SMIM35: variants seen among roughly 807,000 people sequenced by gnomAD.
SMIM35 encodes the protein small integral membrane protein 35, also known as TMPRSS4 antisense RNA 1 (non-protein coding).
At chr11:118,063,109 T>G (rs1944416711) in intron 1 of SMIM35, among the ~76,000 whole-genome samples, 1 of 152,254 alleles carries the variant, frequency 6.6e-6, no homozygotes, top group Admixed American at 6.5e-5. Flanking sequence ...CACCCCTTGT[T>G]TAGCATATCA....
intron 1 of SMIM35, among the ~76,000 whole-genome samples, chr11:118,035,215 G>T (rs1310992939): frequency 1.3e-5 from 2 of 151,920 alleles, no homozygotes; most frequent in Non-Finnish European, 2.9e-5. Flanking sequence ...GCCTCCCAAA[G>T]TGCCCGTCTG....
intron 1 of SMIM35, among the ~76,000 whole-genome samples, chr11:118,082,723 A>AG (rs1192538222): frequency 1.3e-5 from 2 of 152,176 alleles, no homozygotes; most frequent in Non-Finnish European, 2.9e-5. Flanking sequence ...GGGAAAAAAA[A>AG]ACCCAAATTA....
intron 1 of SMIM35, among the ~76,000 whole-genome samples, chr11:118,076,197 GGGAGGT>G (rs1944680434): frequency 1.3e-5 from 2 of 152,176 alleles, no homozygotes; most frequent in African/African-American, 2.4e-5. Flanking sequence ...ACTTGAACCT[GGGAGGT>G]GGAGGTTGCA....
In SMIM35 at chr11:118,069,916, C is replaced by T. The variant is rs370738040; in HGVS notation, c.7+16835G>A. On this transcript the variant is annotated intron_variant, in intron 1 of 4. Transcript: ENST00000689828. ...GTCTCTGCTAAAAATACAAAATTAGCCAGGGGTGGTGGCAGGCACCTGTAA... is the reference window on the plus strand; with the variant it reads ...GTCTCTGCTAAAAATACAAAATTAGTCAGGGGTGGTGGCAGGCACCTGTAA... Among the ~76,000 whole-genome samples, 53 of 152,066 alleles carry T rather than the reference C, an allele frequency of 3.5e-4. No individual in the cohort carries two copies. The South Asian group carries it at 1.0e-2, about 29-fold the overall frequency.
chr11:118,008,208 G>A (rs1448256796), intron 4 of SMIM35, among the ~76,000 whole-genome samples: 2 of 152,186 alleles, frequency 1.3e-5, no homozygotes, highest in African/African-American at 4.8e-5. Flanking sequence ...ACTCTGGGCA[G>A]GCAGAACATT....
chr11:118,035,039 A>T (rs1013185223), intron 1 of SMIM35, among the ~76,000 whole-genome samples: 10 of 151,346 alleles, frequency 6.6e-5, no homozygotes, highest in Middle Eastern at 3.4e-3. Flanking sequence ...GCAACCTCCA[A>T]CTCCTGGGTT....
chr11:118,070,460 AGCCACCGT>A lies in SMIM35; in HGVS notation c.7+16283_7+16290del, dbSNP rs564800743. Among the ~76,000 whole-genome samples the A allele has an allele frequency of 5.4e-3, 822 of 152,352 alleles. 2 individuals carry two copies. The highest frequency in any genetic ancestry group is 0.018 in the African/African-American group (740 of 41,570). ...CCAAAGTGCCCGGATTACAGCCGTG[AGCCACCGT>A]GCCCAGCCTCTAGACAGATTCTTAT... On this transcript the variant is annotated intron_variant, in intron 1 of 4. Transcript: ENST00000689828.
rs142902978 is a variant in SMIM35, at chr11:118,070,827, C to T, written c.7+15924G>A. On this transcript the variant is annotated intron_variant, in intron 1 of 4. Coordinates refer to ENST00000689828, the MANE Select transcript of SMIM35 (RefSeq NM_001394165.1). ...GGTGCTACAGGAACCTGAGTCCTTC[C>T]CAGAGGTCCCCAGTGGGCTGCAGAA... 5.4e-3 allele frequency among the ~76,000 whole-genome samples: 820 copies of T among 152,236 alleles called. 3 individuals carry two copies. The highest frequency in any genetic ancestry group is 0.018 in the African/African-American group (736 of 41,542).
intron 1 of SMIM35, among the ~76,000 whole-genome samples, chr11:118,083,126 C>T (rs771350612): frequency 6.6e-6 from 1 of 152,220 alleles, no homozygotes; most frequent in South Asian, 2.1e-4. Flanking sequence ...CCCTGGCCCT[C>T]GTCTGCCACA....
At chr11:118,061,464 G>A (rs1944394399) in intron 1 of SMIM35, among the ~76,000 whole-genome samples, 1 of 152,192 alleles carries the variant, frequency 6.6e-6, no homozygotes, top group African/African-American at 2.4e-5. Context: ...AGGGACTAGA[G>A]TGGCAGGTCC....
At position 118,048,537 on chromosome 11, in the gene SMIM35, AGAAGGAAGGAAGGAAGGAAGGAAGGAAG is replaced by A. The variant is rs59910847; in HGVS notation, c.8-32756_8-32729del. Among the ~76,000 whole-genome samples, 173 of 122,864 alleles carry A rather than the reference AGAAGGAAGGAAGGAAGGAAGGAAGGAAG, an allele frequency of 1.4e-3. 1 individual carries two copies. The highest frequency in any genetic ancestry group is 3.8e-3 in the Middle Eastern group (1 of 260). The allele number at this position is 122,864 out of a possible 152,430, so 80.6% of individuals were successfully genotyped here. On this transcript the variant is annotated intron_variant, in intron 1 of 4. Transcript: ENST00000689828. ...CAATAAGAAAGAAAGGAAGAAAGAA[AGAAGGAAGGAAGGAAGGAAGGAAGGAAG>A]GAAGGAAGGAAGGAAGGAAGGAAGG...
At chr11:118,014,147 G>A (rs2058164655) in intron 3 of SMIM35, among the ~76,000 whole-genome samples, 1 of 152,252 alleles carries the variant, frequency 6.6e-6, no homozygotes, top group Admixed American at 6.5e-5. Context: ...ATACCATCTT[G>A]TGCCTGAGAT....
At chr11:118,076,404 G>A (rs547786565) in intron 1 of SMIM35, among the ~76,000 whole-genome samples, 10 of 152,198 alleles carry the variant, frequency 6.6e-5, no homozygotes, top group East Asian at 5.8e-4. Flanking sequence ...CTGAGATTGC[G>A]CCCCTGCACT....
In SMIM35 at chr11:118,016,242, G is replaced by C. The variant is rs565554342; in HGVS notation, c.8-433C>G. On this transcript the variant is annotated intron_variant, in intron 1 of 4. Coordinates refer to ENST00000689828, the MANE Select transcript of SMIM35 (RefSeq NM_001394165.1). Reference sequence around the variant, plus strand: ...CTTTGCAAAGCTCATGCACCCAGTGGCAGCAGGGTGTTAACCCTTGGGCTC... The same window carrying C: ...CTTTGCAAAGCTCATGCACCCAGTGCCAGCAGGGTGTTAACCCTTGGGCTC... 3.9e-5 allele frequency among the ~76,000 whole-genome samples: 6 copies of C among 152,256 alleles called. No homozygotes were observed. The South Asian group carries it at 8.3e-4, about 21-fold the overall frequency.
intron 4 of SMIM35, among the ~76,000 whole-genome samples, chr11:118,011,847 C>T (rs546017329): frequency 1.3e-5 from 2 of 152,272 alleles, no homozygotes; most frequent in East Asian, 3.9e-4. Flanking sequence ...GGAGGGGTCT[C>T]AGAACCACTA....
intron 1 of SMIM35, among the ~76,000 whole-genome samples, chr11:118,040,970 G>A (rs867191742): frequency 2.6e-5 from 4 of 151,314 alleles, no homozygotes; most frequent in African/African-American, 9.7e-5. Context: ...AATATATAAT[G>A]TATACCATAT....
intron 1 of SMIM35, among the ~76,000 whole-genome samples, chr11:118,052,712 C>A (rs1044520585): frequency 1.3e-5 from 2 of 152,004 alleles, no homozygotes; most frequent in African/African-American, 4.8e-5. Flanking sequence ...TCTGTCCAGC[C>A]AAACATAGGC....
intron 1 of SMIM35, among the ~76,000 whole-genome samples, chr11:118,028,072 C>T (rs1322061755): frequency 6.6e-6 from 1 of 152,254 alleles, no homozygotes; most frequent in Non-Finnish European, 1.5e-5. Flanking sequence ...TTCGCTGTCC[C>T]TCTGGAGTCA....
intron 4 of SMIM35, 100 bp downstream of exon 4, chr11:118,013,648 G>A (rs1447723613): frequency 2.5e-6 from 1 of 394,360 alleles, no homozygotes; most frequent in Non-Finnish European, 4.5e-6. Context: ...ATCTCTTTGG[G>A]TTCCAAGTGG....
Sources: gnomAD v4.1 joint callset for allele counts (sites outside exome capture counted in the v4.1 genomes callset) on GRCh38, gnomAD v4.1.1 for gene constraint, MANE v1.5 for transcripts, NCBI Gene and HGNC (gene_info 2026-07-23, HGNC 2026-07-21) for gene names.